Variants in CFAP100 observed in about 807,000 individuals in gnomAD.
CFAP100 encodes cilia and flagella associated protein 100.
In CFAP100, 70 loss-of-function variants were observed where a neutral mutation model predicts 81.5. The observed-to-expected ratio is 0.86, with a 90% CI of 0.71 to 1.05. CFAP100 has a LOEUF of 1.05. Among genes scored for constraint, CFAP100 ranks in the 50% least tolerant of loss-of-function variants. The pLI, the probability that CFAP100 is intolerant of heterozygous loss-of-function variation, is 0.00. For missense variants in CFAP100, 811 were observed against 776.5 expected, an observed-to-expected ratio of 1.04 and a Z score of -0.53; for synonymous variants, 341 against 314.8, an observed-to-expected ratio of 1.08 and a Z score of -0.88.
chr3:126,423,821 G>A (rs966941591), intron 13 of CFAP100, among the ~76,000 whole-genome samples, 177 bp downstream of exon 13: 1 of 152,254 alleles, frequency 6.6e-6, no homozygotes, highest in Admixed American at 6.5e-5. Context: ...TGGAGAGAGG[G>A]TGGTGGAGCT....
intron 3 of CFAP100, among the ~76,000 whole-genome samples, chr3:126,409,947 T>G (rs1384662015): frequency 6.6e-6 from 1 of 152,168 alleles, no homozygotes; most frequent in Admixed American, 6.5e-5. Flanking sequence ...ACCCCTGTAA[T>G]CCCAGCACTT....
chr3:126,436,507 G>T lies in CFAP100; in HGVS notation c.*103G>T. On this transcript the variant is annotated 3_prime_UTR_variant, in exon 17 of 17. Transcript: ENST00000352312. ...CGAGTGGCCCAACTGAGTCCTCTCT[G>T]TCTCCTGTGTGCTCCCTTCCTCACC... is the stretch of plus-strand genomic sequence containing the variant. 1.3e-6 allele frequency: 1 copy of T among 762,788 alleles called. No individual in the cohort carries two copies. The highest frequency in any genetic ancestry group is 2.3e-6 in the Non-Finnish European group (1 of 442,988). 47.3% of individuals were successfully genotyped at this position (762,788 alleles called of 1,614,324 possible). A position where few individuals can be genotyped will look rare whatever the true frequency, so the allele number is the denominator to read the frequency against.
In CFAP100 at chr3:126,436,168, G is replaced by A. The variant is rs541647679; in HGVS notation, c.1723-123G>A. The stretch of plus-strand genomic sequence containing the variant: ...AGTTAACTCCAGCCCTCAGCCTGCA[G>A]GGCTGACCAGAGTGGCCTGGAGGTG... On this transcript the variant is annotated intron_variant, in intron 16 of 16. Transcript: ENST00000352312. 8.6e-5 allele frequency: 58 copies of A among 675,616 alleles called. No individual in the cohort carries two copies. The African/African-American group carries it at 8.8e-4, about 10-fold the overall frequency. 41.9% of individuals were successfully genotyped at this position (675,616 alleles called of 1,614,324 possible). A position where few individuals can be genotyped will look rare whatever the true frequency, so the allele number is the denominator to read the frequency against.
intron 15 of CFAP100, 47 bp downstream of exon 15, chr3:126,434,428 T>TGAGGGCA (rs1415847232): frequency 6.3e-7 from 1 of 1,574,968 alleles, no homozygotes; most frequent in Non-Finnish European, 8.7e-7. Context: ...TGGCTGGCCC[T>TGAGGGCA]GAGGGCAGAG....
chr3:126,416,171 C>T (rs189050546), intron 4 of CFAP100, 145 bp from the exon 5 acceptor site: 2 of 642,518 alleles, frequency 3.1e-6, no homozygotes, highest in Non-Finnish European at 5.1e-6. Flanking sequence ...GCCCTGCCTG[C>T]TTGGCTCTCA....
In CFAP100 at chr3:126,419,637, T is replaced by C; in HGVS notation, c.732T>C (p.Ser244=). 11 of 1,613,422 alleles carry C rather than the reference T, an allele frequency of 6.8e-6. No individual in the cohort carries two copies. The highest frequency in any genetic ancestry group is 1.3e-5 in the African/African-American group (1 of 75,036). The change falls in exon 9 of 17, where the codon AGT becomes AGC. Residue 244 remains serine (S), a splice_region_variant and synonymous_variant. Transcript: ENST00000352312. ...ACATCCTCACCCCGCCCCGGTGTAGTGAGATCTCCAGATTTGAAGACACTC... is the reference window on the plus strand; with the variant it reads ...ACATCCTCACCCCGCCCCGGTGTAGCGAGATCTCCAGATTTGAAGACACTC... ...DLTTQIVNIK[S]EISRFEDTLK... is the part of the protein sequence containing the mutation.
At chr3:126,427,845 G>T (rs1307476642) in intron 13 of CFAP100, among the ~76,000 whole-genome samples, 1 of 152,202 alleles carries the variant, frequency 6.6e-6, no homozygotes, top group Non-Finnish European at 1.5e-5. Context: ...CTCAGGTTCT[G>T]GAGAGGCCTC....
At chr3:126,431,616 G>C (rs1223183410) in intron 13 of CFAP100, among the ~76,000 whole-genome samples, 1 of 152,182 alleles carries the variant, frequency 6.6e-6, no homozygotes, top group Non-Finnish European at 1.5e-5. Flanking sequence ...TAGTGTTTCT[G>C]TGGAAGGACA....
intron 5 of CFAP100, chr3:126,418,172 C>A: frequency 2.4e-6 from 1 of 422,584 alleles, no homozygotes; most frequent in Non-Finnish European, 4.3e-6. Flanking sequence ...GTGTCCAGAG[C>A]CTTACTGCAA....
Position 126,423,674 on chromosome 3 carries a change from TC to T in CFAP100, c.1286+33del, listed in dbSNP as rs2083369646. The T allele has an allele frequency of 2.5e-6, 4 of 1,611,326 alleles. No individual in the cohort carries two copies. In the South Asian group the frequency reaches 4.4e-5, roughly 18 times the overall value. ...GTGCTATGCGGTGGCCAGTGGGGGC[TC>T]CCTGCCGCTCTCATCCTGGGATCCC... On this transcript the variant is annotated intron_variant, in intron 13 of 16. Coordinates refer to ENST00000352312, the MANE Select transcript of CFAP100 (RefSeq NM_182628.3).
intron 2 of CFAP100, among the ~76,000 whole-genome samples, chr3:126,401,630 T>G (rs2082984868): frequency 7.0e-6 from 1 of 143,118 alleles, no homozygotes. Flanking sequence ...TGAGTAGAGA[T>G]GGTGAATAAT....
intron 11 of CFAP100, among the ~76,000 whole-genome samples, chr3:126,421,853 C>T (rs530925413): frequency 3.3e-5 from 5 of 152,400 alleles, no homozygotes; most frequent in South Asian, 2.1e-4. Flanking sequence ...CTGCTGTTAA[C>T]GTTGCCCACC....
intron 2 of CFAP100, among the ~76,000 whole-genome samples, chr3:126,400,239 C>T (rs750256852): frequency 1.4e-4 from 21 of 152,054 alleles, no homozygotes; most frequent in South Asian, 4.1e-4. Context: ...TCTCAAAAGA[C>T]GATATGCAAA....
intron 3 of CFAP100, among the ~76,000 whole-genome samples, chr3:126,412,269 C>T (rs1346406367): frequency 6.6e-6 from 1 of 152,204 alleles, no homozygotes; most frequent in Non-Finnish European, 1.5e-5. Flanking sequence ...CTCCTGCCTC[C>T]CAATTACAAG....
At chr3:126,400,828 C>T (rs952181465) in intron 2 of CFAP100, among the ~76,000 whole-genome samples, 1 of 152,288 alleles carries the variant, frequency 6.6e-6, no homozygotes, top group South Asian at 2.1e-4. Flanking sequence ...TCCAGCAATT[C>T]TACTTCTAGA....
At chr3:126,431,643 T>C (rs1373255926) in intron 13 of CFAP100, among the ~76,000 whole-genome samples, 3 of 152,236 alleles carry the variant, frequency 2.0e-5, no homozygotes, top group African/African-American at 4.8e-5. Context: ...GAGGACCCCC[T>C]ATTCCACCAT....
At chr3:126,423,040 C>T (rs2083356884) in intron 11 of CFAP100, among the ~76,000 whole-genome samples, 1 of 152,146 alleles carries the variant, frequency 6.6e-6, no homozygotes, top group African/African-American at 2.4e-5. Flanking sequence ...GGCCATCTGG[C>T]CACCCAGGAC....
rs1401611898 is a variant in CFAP100, at chr3:126,419,738, AAC to A, written c.836_837del (p.His279LeufsTer19). 3 of 1,613,952 alleles carry A rather than the reference AAC, an allele frequency of 1.9e-6. No homozygotes were observed. Among genetic ancestry groups the A allele is most frequent in the Non-Finnish European group, 2.5e-6 (3 of 1,180,044 alleles). ...GAGTGGCTTGAAGAACAGGAAAAGA[AAC>A]ACTCGTTTCTCAAAAAGGCCAAGGA... On this transcript the variant is annotated frameshift_variant, in exon 9 of 17. Coordinates refer to ENST00000352312, the MANE Select transcript of CFAP100 (RefSeq NM_182628.3). LOFTEE classifies it high-confidence loss of function.
intron 2 of CFAP100, among the ~76,000 whole-genome samples, chr3:126,401,958 TCC>T (rs1367339362): frequency 6.6e-6 from 1 of 152,186 alleles, no homozygotes; most frequent in Non-Finnish European, 1.5e-5. Flanking sequence ...GGGGCTCTGC[TCC>T]CATGGTGCCT....
Sources: allele counts gnomAD v4.1 joint callset (sites outside exome capture counted in the v4.1 genomes callset), GRCh38; gene constraint gnomAD v4.1.1; transcripts MANE v1.5; gene names NCBI Gene and HGNC (gene_info 2026-07-23, HGNC 2026-07-21).